Variants in SEMA5A observed in about 807,000 individuals in gnomAD.
The protein encoded by SEMA5A is semaphorin-5A.
Under a neutral mutation model 135.5 loss-of-function variants are expected in SEMA5A, and 55 were observed. That is an observed-to-expected ratio of 0.41 (90% CI 0.33 to 0.51). The LOEUF (loss-of-function observed/expected upper bound fraction) is 0.51, where lower values mean the gene tolerates loss of function less well. Among genes scored for constraint, SEMA5A ranks in the 20% least tolerant of loss-of-function variants. The pLI is 0.37. For missense variants in SEMA5A, 1,290 were observed against 1,419.9 expected (o/e 0.91, Z 1.47); for synonymous variants, 580 against 546.5 (o/e 1.06, Z -0.85).
At chr5:9,074,771 C>T (rs1283671393) in intron 16 of SEMA5A, among the ~76,000 whole-genome samples, 1 of 152,168 alleles carries the variant, frequency 6.6e-6, no homozygotes, top group African/African-American at 2.4e-5. Flanking sequence ...TAAACCACTA[C>T]ACATGTATTA....
rs1195148707 is a variant in SEMA5A at position 9,536,215 on chromosome 5, A to G, written c.-175+9369T>C. Among the ~76,000 whole-genome samples the G allele has an allele frequency of 2.0e-5, 3 of 152,240 alleles. No individual in the cohort carries two copies. The East Asian group carries it at 5.8e-4, about 29-fold the overall frequency. Reference sequence around the variant, plus strand: ...AATTAAAATTATTTTGGTTTAGCAGAGAAATTAACCAGAGGACGACAATCA... The same window carrying G: ...AATTAAAATTATTTTGGTTTAGCAGGGAAATTAACCAGAGGACGACAATCA... On this transcript the variant is annotated intron_variant, in intron 1 of 22. Coordinates refer to ENST00000382496, the MANE Select transcript of SEMA5A (RefSeq NM_003966.3).
rs376827506 is a variant in SEMA5A, at chr5:9,110,661, G to A, written c.1926-2374C>T. Among the ~76,000 whole-genome samples, 6 of 152,302 alleles carry A rather than the reference G, an allele frequency of 3.9e-5. No individual in the cohort carries two copies. The East Asian group carries it at 9.6e-4, about 24-fold the overall frequency. ...CCAGGGAGAGATAGTTGATGTGTAGGGGGTGAAGGAGCCTCCGGAGAGTCA... is the reference window on the plus strand; with the variant it reads ...CCAGGGAGAGATAGTTGATGTGTAGAGGGTGAAGGAGCCTCCGGAGAGTCA... On this transcript the variant is annotated intron_variant, in intron 15 of 22. Coordinates refer to ENST00000382496, the MANE Select transcript of SEMA5A (RefSeq NM_003966.3).
chr5:9,344,725 A>C (rs1353817703), intron 3 of SEMA5A, among the ~76,000 whole-genome samples: 1 of 152,226 alleles, frequency 6.6e-6, no homozygotes, highest in African/African-American at 2.4e-5. Context: ...AGATATGCTA[A>C]ACCTTACTTT....
At chr5:9,307,253 T>G (rs1171598279) in intron 5 of SEMA5A, among the ~76,000 whole-genome samples, 1 of 152,202 alleles carries the variant, frequency 6.6e-6, no homozygotes, top group African/African-American at 2.4e-5. Flanking sequence ...TGTGTTCTAA[T>G]GAAGAAGTAT....
At chr5:9,450,979 A>T (rs1472364963) in intron 1 of SEMA5A, among the ~76,000 whole-genome samples, 1 of 152,212 alleles carries the variant, frequency 6.6e-6, no homozygotes, top group Non-Finnish European at 1.5e-5. Context: ...ATAATTGAAT[A>T]CAGAGCTTTA....
intron 1 of SEMA5A, among the ~76,000 whole-genome samples, chr5:9,460,332 T>C (rs1323961305): frequency 6.6e-6 from 1 of 152,054 alleles, no homozygotes; most frequent in Non-Finnish European, 1.5e-5. Flanking sequence ...ATATAGACTT[T>C]AAAAATACGT....
chr5:9,401,653 G>A (rs138521665), intron 2 of SEMA5A, among the ~76,000 whole-genome samples: 136 of 152,264 alleles, frequency 8.9e-4, no homozygotes, highest in Non-Finnish European at 1.5e-3. Context: ...TCTATAAATC[G>A]TTAGCAAGCA....
intron 3 of SEMA5A, among the ~76,000 whole-genome samples, chr5:9,344,212 A>G (rs1753766412): frequency 6.6e-6 from 1 of 152,232 alleles, no homozygotes; most frequent in Non-Finnish European, 1.5e-5. Context: ...AATCTTGTGA[A>G]GCGAGAGCTA....
At chr5:9,159,838 G>A (rs1345973934) in intron 11 of SEMA5A, among the ~76,000 whole-genome samples, 1 of 152,206 alleles carries the variant, frequency 6.6e-6, no homozygotes, top group Non-Finnish European at 1.5e-5. Flanking sequence ...TAAAGAAAAT[G>A]TGGTACATAT....
chr5:9,053,658 T>G (rs540101585), intron 19 of SEMA5A, among the ~76,000 whole-genome samples: 5 of 152,180 alleles, frequency 3.3e-5, no homozygotes, highest in Admixed American at 3.3e-4. Context: ...CCAGACTCCA[T>G]GGGGGGCACT....
chr5:9,212,829 G>T (rs1258892073), intron 8 of SEMA5A, among the ~76,000 whole-genome samples: 1 of 152,160 alleles, frequency 6.6e-6, no homozygotes, highest in African/African-American at 2.4e-5. Flanking sequence ...TGCCCTTAAG[G>T]AATTCATAAA....
chr5:9,148,277 T>A (rs1016217002), intron 12 of SEMA5A, among the ~76,000 whole-genome samples: 1 of 152,176 alleles, frequency 6.6e-6, no homozygotes. Flanking sequence ...ATTCAAAAGG[T>A]AGATGATAAT....
intron 1 of SEMA5A, among the ~76,000 whole-genome samples, chr5:9,468,634 T>C (rs1256092113): frequency 3.7e-5 from 2 of 54,106 alleles, no homozygotes; most frequent in Admixed American, 2.0e-4. Context: ...GCTGTCTATA[T>C]TTCTTCAAAT....
intron 17 of SEMA5A, among the ~76,000 whole-genome samples, chr5:9,064,794 T>C (rs1048113702): frequency 2.6e-5 from 4 of 152,196 alleles, no homozygotes; most frequent in African/African-American, 4.8e-5. Flanking sequence ...ATGTGGGATA[T>C]ACTTTTCCTG....
chr5:9,118,969 G>C (rs1429239801), intron 15 of SEMA5A, 29 bp downstream of exon 15: 1 of 1,607,332 alleles, frequency 6.2e-7, no homozygotes, highest in Non-Finnish European at 8.5e-7. Context: ...CGTGAGGCTG[G>C]CGGTGCTGGC....
chr5:9,202,279 C>A, intron 8 of SEMA5A, 39 bp from the exon 9 acceptor site: 1 of 1,594,752 alleles, frequency 6.3e-7, no homozygotes, highest in South Asian at 1.1e-5. Flanking sequence ...TCTCAACATT[C>A]ATGTCATTCC....
At chr5:9,162,579 T>TACACATATATAC in intron 11 of SEMA5A, among the ~76,000 whole-genome samples, 2 of 129,006 alleles carry the variant, frequency 1.6e-5, no homozygotes, top group South Asian at 5.0e-4. Context: ...TATATATATA[T>TACACATATATAC]ATATATACAC....
rs1025565429 is a variant in SEMA5A, at chr5:9,317,338, G to A, written c.270+1034C>T. Among the ~76,000 whole-genome samples the A allele has an allele frequency of 4.6e-5, 7 of 151,812 alleles. No homozygotes were observed. The East Asian group carries it at 9.7e-4, about 21-fold the overall frequency. On this transcript the variant is annotated intron_variant, in intron 5 of 22. Transcript: ENST00000382496. ...CTTTTGAACGTCTTACTTATTTTTCGCCATGCTAGTATGGAGTTGGCAGTG... is the reference window on the plus strand; with the variant it reads ...CTTTTGAACGTCTTACTTATTTTTCACCATGCTAGTATGGAGTTGGCAGTG...
intron 1 of SEMA5A, among the ~76,000 whole-genome samples, chr5:9,461,514 G>A (rs1759055917): frequency 6.6e-6 from 1 of 152,146 alleles, no homozygotes; most frequent in African/African-American, 2.4e-5. Context: ...TGGTTGACCT[G>A]ACAATAGAAT....
Sources: gnomAD v4.1 joint callset for allele counts (sites outside exome capture counted in the v4.1 genomes callset) on GRCh38, gnomAD v4.1.1 for gene constraint, MANE v1.5 for transcripts, NCBI Gene and HGNC (gene_info 2026-07-23, HGNC 2026-07-21) for gene names.